AGBL4: variants seen among roughly 807,000 people sequenced by gnomAD.
The protein encoded by AGBL4 is cytosolic carboxypeptidase 6.
AGBL4 carries 58 observed loss-of-function variants against 66.4 expected under a neutral mutation model. That is an observed-to-expected ratio of 0.87 (90% confidence interval 0.71 to 1.09). The LOEUF is 1.09. Ranked by LOEUF, AGBL4 falls within the 50% of genes least tolerant of loss-of-function variation. The probability of loss-of-function intolerance (pLI) is 0.00; values close to 1 mark genes in which losing one functional copy is unlikely to be tolerated. For synonymous variants in AGBL4, 234 were observed against 222.9 expected (o/e 1.05, Z -0.44); for missense variants, 579 against 631.0 (o/e 0.92, Z 0.88).
At chr1:48,963,596 C>T (rs187534413) in intron 5 of AGBL4, among the ~76,000 whole-genome samples, 1 of 151,704 alleles carries the variant, frequency 6.6e-6, no homozygotes, top group East Asian at 1.9e-4. Flanking sequence ...CTGGGGAACT[C>T]CCATAGGGGC....
At chr1:48,713,696 G>C (rs1398157033) in intron 6 of AGBL4, among the ~76,000 whole-genome samples, 3 of 152,176 alleles carry the variant, frequency 2.0e-5, no homozygotes, top group Non-Finnish European at 4.4e-5. Context: ...AAGGCTCTAA[G>C]GAGGACCCTA....
intron 9 of AGBL4, among the ~76,000 whole-genome samples, chr1:48,620,589 AT>A (rs1200080762): frequency 3.3e-5 from 5 of 152,154 alleles, no homozygotes; most frequent in Admixed American, 2.0e-4. Flanking sequence ...ACCTACTTGC[AT>A]TGCTATTTCA....
At chr1:48,777,294 T>C (rs4926754) in intron 6 of AGBL4, among the ~76,000 whole-genome samples, 105,554 of 151,838 alleles carry the variant, frequency 0.7, 37,276 homozygotes, top group African/African-American at 0.76. Flanking sequence ...AAAACTGCAT[T>C]GCCAAGTAGA....
rs559520269 is a variant in AGBL4, at chr1:48,696,560, C to T, written c.635-33319G>A. 2.0e-5 allele frequency among the ~76,000 whole-genome samples: 3 copies of T among 152,236 alleles called. No homozygotes were observed. In the East Asian group the frequency reaches 5.8e-4, roughly 29 times the overall value. On this transcript the variant is annotated intron_variant, in intron 6 of 13. Coordinates refer to ENST00000371839, the MANE Select transcript of AGBL4 (RefSeq NM_032785.4). ...TAGATTCCTTGCCTGATGTCTTTTC[C>T]TTTATAAAACCACCCCCACCACTAC...
chr1:49,638,810 G>A (rs924180776), intron 3 of AGBL4, among the ~76,000 whole-genome samples: 13 of 152,114 alleles, frequency 8.5e-5, no homozygotes, highest in African/African-American at 3.1e-4. Flanking sequence ...CCAGTCTTAG[G>A]TATTTTCTTC....
intron 3 of AGBL4, among the ~76,000 whole-genome samples, chr1:49,401,049 C>A (rs58847618): frequency 0.049 from 7,393 of 152,130 alleles, 560 homozygotes; most frequent in African/African-American, 0.16. Context: ...AATACTTTTT[C>A]AGCATTGTAT....
intron 3 of AGBL4, among the ~76,000 whole-genome samples, chr1:49,372,604 TCTTTTTC>T (rs1644371450): frequency 6.8e-6 from 1 of 146,260 alleles, no homozygotes; most frequent in Non-Finnish European, 1.5e-5. Flanking sequence ...CTTTTCTTTT[TCTTTTTC>T]TTTCTTTCTT....
intron 5 of AGBL4, among the ~76,000 whole-genome samples, chr1:48,957,517 C>T (rs1241447370): frequency 6.6e-6 from 1 of 152,104 alleles, no homozygotes; most frequent in East Asian, 1.9e-4. Context: ...CTAGGTCATG[C>T]TACATTACTT....
intron 1 of AGBL4, among the ~76,000 whole-genome samples, chr1:49,892,980 T>A (rs1020333111): frequency 1.3e-5 from 2 of 152,098 alleles, no homozygotes; most frequent in Non-Finnish European, 2.9e-5. Flanking sequence ...CTCTTCACAG[T>A]CTTAGAAATA....
chr1:49,576,541 G>A (rs1343413906), intron 3 of AGBL4, among the ~76,000 whole-genome samples: 1 of 152,228 alleles, frequency 6.6e-6, no homozygotes, highest in Non-Finnish European at 1.5e-5. Context: ...GAAACTGAAA[G>A]TTTGACTATG....
At chr1:49,042,542 C>G (rs1643970611) in intron 5 of AGBL4, among the ~76,000 whole-genome samples, 1 of 152,132 alleles carries the variant, frequency 6.6e-6, no homozygotes, top group Admixed American at 6.5e-5. Flanking sequence ...TGCCACAGAA[C>G]TGCTTCTTCT....
At chr1:49,321,375 G>T (rs1235635165) in intron 3 of AGBL4, among the ~76,000 whole-genome samples, 1 of 152,108 alleles carries the variant, frequency 6.6e-6, no homozygotes, top group Non-Finnish European at 1.5e-5. Flanking sequence ...TTAAAACAAT[G>T]AGATGCCCTT....
intron 1 of AGBL4, among the ~76,000 whole-genome samples, chr1:49,884,390 T>C (rs1414703904): frequency 6.6e-5 from 10 of 151,878 alleles, no homozygotes; most frequent in Non-Finnish European, 2.9e-5. Flanking sequence ...TCCTTATCAT[T>C]ACTATTATTA....
intron 3 of AGBL4, among the ~76,000 whole-genome samples, chr1:49,517,326 A>C (rs577467768): frequency 6.6e-6 from 1 of 152,048 alleles, no homozygotes; most frequent in Non-Finnish European, 1.5e-5. Context: ...GACAAAAAAA[A>C]AATCAGTATT....
At chr1:49,032,854 A>C (rs1284571105) in intron 5 of AGBL4, among the ~76,000 whole-genome samples, 1 of 152,124 alleles carries the variant, frequency 6.6e-6, no homozygotes, top group Non-Finnish European at 1.5e-5. Flanking sequence ...GAAGTTAAAT[A>C]GGACAACTTT....
chr1:49,524,644 G>A (rs1038406706), intron 3 of AGBL4, among the ~76,000 whole-genome samples: 5 of 151,578 alleles, frequency 3.3e-5, no homozygotes, highest in Non-Finnish European at 5.9e-5. Context: ...TCCATTATCA[G>A]ACACACATTA....
intron 6 of AGBL4, among the ~76,000 whole-genome samples, chr1:48,793,634 C>T (rs1375082995): frequency 6.6e-6 from 1 of 152,184 alleles, no homozygotes; most frequent in Admixed American, 6.5e-5. Context: ...CTCTTCACAA[C>T]AACTCCACGG....
intron 3 of AGBL4, among the ~76,000 whole-genome samples, chr1:49,246,756 A>G (rs2148330368): frequency 6.6e-6 from 1 of 152,150 alleles, no homozygotes; most frequent in Admixed American, 6.6e-5. Context: ...AGTCCAAAGG[A>G]GAGATGATGA....
intron 6 of AGBL4, among the ~76,000 whole-genome samples, chr1:48,671,560 G>T (rs1394467868): frequency 1.3e-5 from 2 of 152,168 alleles, no homozygotes; most frequent in Non-Finnish European, 2.9e-5. Context: ...TGCAAAATCA[G>T]GATAATAATA....
Sources: gnomAD v4.1 joint callset for allele counts (sites outside exome capture counted in the v4.1 genomes callset) on GRCh38, gnomAD v4.1.1 for gene constraint, MANE v1.5 for transcripts, NCBI Gene and HGNC (gene_info 2026-07-23, HGNC 2026-07-21) for gene names.